INTS4: variants seen among roughly 807,000 people sequenced by gnomAD.
The protein encoded by INTS4 is integrator complex subunit 4, also known as MSTP093.
INTS4 carries 70 observed loss-of-function variants against 119.5 expected under a neutral mutation model. That is an observed-to-expected ratio of 0.59 (90% CI 0.48 to 0.71). The LOEUF is 0.71. Ranked by LOEUF, INTS4 falls within the 30% of genes least tolerant of loss-of-function variation. The pLI, the probability that INTS4 is intolerant of heterozygous loss-of-function variation, is 0.00. For missense variants in INTS4, 867 were observed against 1,173.2 expected, an observed-to-expected ratio of 0.74 and a Z score of 3.81; for synonymous variants, 316 against 419.6, an observed-to-expected ratio of 0.75 and a Z score of 3.02.
intron 4 of INTS4, among the ~76,000 whole-genome samples, chr11:77,975,680 G>A (rs11604343): frequency 7.9e-5 from 12 of 152,030 alleles, no homozygotes; most frequent in Non-Finnish European, 1.2e-4. Flanking sequence ...TCTACAGGCC[G>A]GGTGCAGTGG....
At chr11:77,916,441 C>T (rs2136469420) in intron 15 of INTS4, among the ~76,000 whole-genome samples, 1 of 152,206 alleles carries the variant, frequency 6.6e-6, no homozygotes, top group East Asian at 1.9e-4. Context: ...ATATGGTAAA[C>T]AATGGTAAAT....
At chr11:77,891,524 A>G in intron 20 of INTS4, 62 bp from the exon 21 acceptor site, 1 of 1,598,136 alleles carries the variant, frequency 6.3e-7, no homozygotes, top group South Asian at 1.1e-5. Flanking sequence ...GAGAAAACGC[A>G]TCTTTTTTCT....
chr11:77,939,209 G>A (rs1013403121), intron 9 of INTS4, among the ~76,000 whole-genome samples: 23 of 152,312 alleles, frequency 1.5e-4, no homozygotes, highest in South Asian at 1.5e-3. Context: ...GGGAGCAGGT[G>A]GCTCACACCT....
chr11:77,961,155 AAAAAAGAAAAAAAG>A lies in INTS4; in HGVS notation c.472-31_472-18del, dbSNP rs778364672. On this transcript the variant is annotated intron_variant, in intron 4 of 22. Transcript: ENST00000534064. ...TGTCAGATGCTATTAAAAAAAAAAA[AAAAAAGAAAAAAAG>A]AAAAAGAAAAAAAGGACATGATTAA... 25 of 1,537,712 alleles carry A rather than the reference AAAAAAGAAAAAAAG, an allele frequency of 1.6e-5. No homozygotes were observed. The highest frequency in any genetic ancestry group is 2.3e-5 in the East Asian group (1 of 43,652).
chr11:77,955,914 A>G, intron 8 of INTS4, 28 bp downstream of exon 8: 1 of 1,564,750 alleles, frequency 6.4e-7, no homozygotes, highest in East Asian at 2.4e-5. Context: ...ATACATGCAT[A>G]CATACATACA....
chr11:77,885,520 T>C (rs1192714919), intron 21 of INTS4, among the ~76,000 whole-genome samples: 1 of 152,006 alleles, frequency 6.6e-6, no homozygotes, highest in African/African-American at 2.4e-5. Context: ...CATTTTTTTT[T>C]AGAAAATGAA....
At chr11:77,884,060 A>T in intron 21 of INTS4, 108 bp from the exon 22 acceptor site, 2 of 1,133,100 alleles carry the variant, frequency 1.8e-6, no homozygotes, top group Non-Finnish European at 2.5e-6. Context: ...ACATGACACC[A>T]ACTTTACTAA....
intron 11 of INTS4, 45 bp downstream of exon 11, chr11:77,928,297 G>A: frequency 3.8e-6 from 6 of 1,598,566 alleles, no homozygotes; most frequent in Non-Finnish European, 5.1e-6. Flanking sequence ...TTTAACAGGG[G>A]GGGGTGAGGG....
intron 18 of INTS4, among the ~76,000 whole-genome samples, chr11:77,898,582 C>A (rs1394230682): frequency 6.6e-6 from 1 of 152,188 alleles, no homozygotes; most frequent in Non-Finnish European, 1.5e-5. Flanking sequence ...ACCATAAATT[C>A]TGTTTAACTT....
chr11:77,936,102 G>A (rs577073127), intron 10 of INTS4, among the ~76,000 whole-genome samples: 1 of 151,856 alleles, frequency 6.6e-6, no homozygotes, highest in African/African-American at 2.4e-5. Flanking sequence ...CCAATAAAGT[G>A]AAATCTATAA....
At chr11:77,958,045 A>G (rs1954374696) in intron 7 of INTS4, among the ~76,000 whole-genome samples, 1 of 152,078 alleles carries the variant, frequency 6.6e-6, no homozygotes, top group African/African-American at 2.4e-5. Flanking sequence ...AGAAGACACA[A>G]TTTCCAGTTA....
intron 4 of INTS4, 106 bp from the exon 5 acceptor site, chr11:77,961,244 C>T: frequency 7.4e-7 from 1 of 1,358,792 alleles, no homozygotes; most frequent in Non-Finnish European, 9.6e-7. Context: ...ATTGCAGCAA[C>T]CTTAGGGGTG....
At chr11:77,933,269 C>G (rs1377265429) in intron 10 of INTS4, among the ~76,000 whole-genome samples, 2 of 151,906 alleles carry the variant, frequency 1.3e-5, no homozygotes, top group African/African-American at 4.8e-5. Context: ...CCTCTGATGC[C>G]GAGCCCGAAG....
In INTS4 at chr11:77,920,151, A is replaced by G. The variant is rs1953304368; in HGVS notation, c.1765-1173T>C. Among the ~76,000 whole-genome samples, 3 of 149,844 alleles carry G rather than the reference A, an allele frequency of 2.0e-5. No individual in the cohort carries two copies. The Admixed American group carries it at 2.0e-4, about 10-fold the overall frequency. ...TAAAGTTTAAATTTTCTAACCATATATATATATACACATATATATACATAT... is the reference window on the plus strand; with the variant it reads ...TAAAGTTTAAATTTTCTAACCATATGTATATATACACATATATATACATAT... On this transcript the variant is annotated intron_variant, in intron 14 of 22. Coordinates refer to ENST00000534064, the MANE Select transcript of INTS4 (RefSeq NM_033547.4).
intron 15 of INTS4, among the ~76,000 whole-genome samples, chr11:77,909,099 C>T (rs116140150): frequency 0.01 from 1,556 of 152,304 alleles, 27 homozygotes; most frequent in African/African-American, 0.034. Context: ...TGTCTCTCGC[C>T]GGACTGGGCA....
intron 18 of INTS4, among the ~76,000 whole-genome samples, chr11:77,898,569 G>A (rs1439223947): frequency 1.3e-5 from 2 of 152,196 alleles, no homozygotes; most frequent in Non-Finnish European, 2.9e-5. Flanking sequence ...TCTTAGAGAG[G>A]TGACCATAAA....
intron 18 of INTS4, among the ~76,000 whole-genome samples, chr11:77,900,369 G>A (rs1366419054): frequency 6.6e-6 from 1 of 152,092 alleles, no homozygotes; most frequent in Non-Finnish European, 1.5e-5. Context: ...AAAGTGCTGG[G>A]ATTACAGGTG....
chr11:77,903,194 T>TCA (rs1382841181), intron 17 of INTS4, among the ~76,000 whole-genome samples: 3 of 152,266 alleles, frequency 2.0e-5, no homozygotes, highest in Non-Finnish European at 2.9e-5. Flanking sequence ...AAGTGAGTGC[T>TCA]GTGTCTCCTA....
Position 77,956,300 on chromosome 11 carries a change from A to G in INTS4, c.798-238T>C, listed in dbSNP as rs546539038. 6.6e-5 allele frequency among the ~76,000 whole-genome samples: 10 copies of G among 152,308 alleles called. No homozygotes were observed. The East Asian group carries it at 1.7e-3, about 26-fold the overall frequency. ...GTGGCATGCGCTGATAGTCCCAGCTACTTGGGAGGCTGAAGTGGGAAGATT... is the reference window on the plus strand; with the variant it reads ...GTGGCATGCGCTGATAGTCCCAGCTGCTTGGGAGGCTGAAGTGGGAAGATT... On this transcript the variant is annotated intron_variant, in intron 7 of 22. Transcript: ENST00000534064.
Sources: gnomAD v4.1 joint callset for allele counts (sites outside exome capture counted in the v4.1 genomes callset) on GRCh38, gnomAD v4.1.1 for gene constraint, MANE v1.5 for transcripts, NCBI Gene and HGNC (gene_info 2026-07-23, HGNC 2026-07-21) for gene names.